PTCH2: variants seen among roughly 807,000 people sequenced by gnomAD.
The protein encoded by PTCH2 is protein patched homolog 2.
In PTCH2, 96 loss-of-function variants were observed where a neutral mutation model predicts 117.9. The observed-to-expected ratio is 0.81, with a 90% CI of 0.69 to 0.96. The LOEUF (loss-of-function observed/expected upper bound fraction) is 0.96. PTCH2 is among the 50% of genes least tolerant of loss of function. The pLI, the probability that PTCH2 is intolerant of heterozygous loss-of-function variation, is 0.00. For synonymous variants in PTCH2, 615 were observed against 660.9 expected (o/e 0.93, Z 1.06); for missense variants, 1,379 against 1,562.5 (o/e 0.88, Z 1.98).
rs1653433741 is a variant in PTCH2, at chr1:44,831,246, AG to A, written c.618-204del. Among the ~76,000 whole-genome samples, 1 of 152,174 alleles carries A rather than the reference AG, an allele frequency of 6.6e-6. No homozygotes were observed. On this transcript the variant is annotated intron_variant, in intron 5 of 21. Transcript: ENST00000372192. This position sits in a 1 kb window ranked among gnomAD's most constrained non-coding sequence, Gnocchi z 4.3. ...CTACAGTGAGCTGTAGAAGAGTACA[AG>A]GGGCTGAGACGAATATCAGGGCAGG... is the stretch of plus-strand genomic sequence containing the variant.
At chr1:44,821,258 C>A (rs967841596), downstream of PTCH2, among the ~76,000 whole-genome samples, 2 of 152,214 alleles carry the variant, frequency 1.3e-5, no homozygotes, top group Non-Finnish European at 1.5e-5. Context: ...AAGGCCTCTG[C>A]TTAGTGGAGC....
chr1:44,823,533 G>T lies in PTCH2; in HGVS notation c.3115-148C>A, dbSNP rs910532869. Reference sequence around the variant, plus strand: ...TAAGTTCATGGGAACTGTACAGGGAGCATGCGTGAGTCCTTTTAGGTAACA... The same window carrying T: ...TAAGTTCATGGGAACTGTACAGGGATCATGCGTGAGTCCTTTTAGGTAACA... On this transcript the variant is annotated intron_variant, in intron 19 of 21. Transcript: ENST00000372192. This position sits in a 1 kb window ranked among gnomAD's most constrained non-coding sequence, Gnocchi z 5.1. 9.5e-7 allele frequency: 1 copy of T among 1,053,664 alleles called. No individual in the cohort carries two copies. The highest frequency in any genetic ancestry group is 1.4e-6 in the Non-Finnish European group (1 of 696,492). 65.3% of individuals were successfully genotyped at this position (1,053,664 alleles called of 1,614,324 possible).
chr1:44,821,714 G>A (rs949304878), downstream of PTCH2: 40 of 1,191,298 alleles, frequency 3.4e-5, no homozygotes, highest in Non-Finnish European at 4.1e-5. Context: ...GAACCCAGTA[G>A]GATTTCACAC....
intron 2 of PTCH2, among the ~76,000 whole-genome samples, chr1:44,835,686 T>C (rs1264491035): frequency 6.6e-6 from 1 of 152,204 alleles, no homozygotes; most frequent in Admixed American, 6.5e-5. Flanking sequence ...ATGGGAGTCA[T>C]GGTAGATTTT....
chr1:44,836,091 A>T (rs1653674181), intron 2 of PTCH2, among the ~76,000 whole-genome samples: 1 of 152,194 alleles, frequency 6.6e-6, no homozygotes, highest in Admixed American at 6.5e-5. Context: ...CCTTTCTAAC[A>T]GACCCTGATT....
intron 9 of PTCH2, 23 bp from the exon 10 acceptor site, chr1:44,829,335 CAG>C (rs757124206): frequency 3.0e-5 from 49 of 1,613,684 alleles, no homozygotes; most frequent in African/African-American, 5.3e-5. Flanking sequence ...AGGGCAGTCT[CAG>C]GGGCTCCCAG....
intron 2 of PTCH2, among the ~76,000 whole-genome samples, chr1:44,833,022 C>T (rs763329333): frequency 1.3e-5 from 2 of 152,158 alleles, no homozygotes; most frequent in African/African-American, 2.4e-5. Flanking sequence ...AGCTCACGAA[C>T]CCTGGCAGGG....
chr1:44,826,011 AT>A lies in PTCH2; in HGVS notation c.3114+238del, dbSNP rs1573642785. Among the ~76,000 whole-genome samples, 1 of 151,278 alleles carries A rather than the reference AT, an allele frequency of 6.6e-6. No homozygotes were observed. The highest frequency in any genetic ancestry group is 1.5e-5 in the Non-Finnish European group (1 of 67,848). On this transcript the variant is annotated intron_variant, in intron 19 of 21. Transcript: ENST00000372192. The surrounding 1 kb of genome is among the most constrained non-coding windows in gnomAD (Gnocchi z 5.1). ...TGGCATGTGCCACCACGCCTGGCTA[AT>A]TTTTTGTATTTTTAGTAAAGACAGG...
chr1:44,825,765 G>A (rs1396897073), intron 19 of PTCH2, among the ~76,000 whole-genome samples: 1 of 151,626 alleles, frequency 6.6e-6, no homozygotes, highest in Non-Finnish European at 1.5e-5. Flanking sequence ...GACTTCAGGG[G>A]ATCCGCCTGC....
At position 44,839,376 on chromosome 1, in the gene PTCH2, A is replaced by AC. The variant is rs1305003144; in HGVS notation, c.265+2470_265+2471insG. The stretch of plus-strand genomic sequence containing the variant: ...GACTTACTCTCAAAAAAAAAAAAAA[A>AC]AAAAAAACAGAAAGAAAAAAAAAGA... On this transcript the variant is annotated intron_variant, in intron 2 of 21. Transcript: ENST00000372192. 9.4e-5 allele frequency among the ~76,000 whole-genome samples: 13 copies of AC among 138,362 alleles called. No homozygotes were observed. In the East Asian group the frequency reaches 2.7e-3, roughly 29 times the overall value. 90.8% of individuals were successfully genotyped at this position (138,362 alleles called of 152,430 possible).
rs7532882 is a variant in PTCH2 at position 44,827,385 on chromosome 1, G to A, written c.2371+17C>T. Reference sequence around the variant, plus strand: ...CTCCCTGCAGCACCCCTCCCTGCCCGTCTCCTCGCCTCTCACCCTGTAGCC... The same window carrying A: ...CTCCCTGCAGCACCCCTCCCTGCCCATCTCCTCGCCTCTCACCCTGTAGCC... On this transcript the variant is annotated intron_variant, in intron 15 of 21. Transcript: ENST00000372192. 0.013 allele frequency: 21,318 copies of A among 1,613,740 alleles called. 2,506 individuals are homozygous for A. In the African/African-American group the frequency reaches 0.25, roughly 19 times the overall value.
chr1:44,832,241 C>T lies in PTCH2; in HGVS notation c.366G>A (p.Glu122=). ...SQMLIQTARQ[E]GENILTPEAL... is the part of the protein sequence containing the mutation. ...CTTCGGGTGTGAGGATGTTCTCTCC[C>T]TCCTGGCGTGCGGTCTGTATCAGCA... Residue 122 remains glutamate, a synonymous_variant, in exon 3 of 22, where the codon GAG becomes GAA. Transcript: ENST00000372192. 1 of 1,614,206 alleles carries T rather than the reference C, an allele frequency of 6.2e-7. No individual in the cohort carries two copies. Among genetic ancestry groups the T allele is most frequent in the Non-Finnish European group, 8.5e-7 (1 of 1,180,036 alleles).
chr1:44,830,771 C>T (rs529033240), intron 6 of PTCH2, 77 bp downstream of exon 6: 23 of 1,425,550 alleles, frequency 1.6e-5, no homozygotes, highest in Non-Finnish European at 2.2e-5. Flanking sequence ...GCAGTCAGCT[C>T]CCCCAGAACA....
chr1:44,827,881 A>T lies in PTCH2; in HGVS notation c.2020T>A (p.Tyr674Asn). Residue 674 changes from tyrosine (Y) to asparagine (N), a missense_variant, in exon 14 of 22, where the codon TAT becomes AAT. Transcript: ENST00000372192. ...TGGAGCAGCAACGGGGCAAACTGATAGCGGGCGAAATGGGCAAGATTCCAG... is the reference window on the plus strand; with the variant it reads ...TGGAGCAGCAACGGGGCAAACTGATTGCGGGCGAAATGGGCAAGATTCCAG... ...ARWNLAHFAR[Y>N]QFAPLLLQSH... 6.2e-7 allele frequency: 1 copy of T among 1,614,186 alleles called. No homozygotes were observed. The highest frequency in any genetic ancestry group is 8.5e-7 in the Non-Finnish European group (1 of 1,180,036).
chr1:44,840,158 A>G lies in PTCH2; in HGVS notation c.265+1689T>C, dbSNP rs1653880655. 2.0e-5 allele frequency among the ~76,000 whole-genome samples: 3 copies of G among 146,830 alleles called. No homozygotes were observed. In the South Asian group the frequency reaches 6.5e-4, roughly 32 times the overall value. On this transcript the variant is annotated intron_variant, in intron 2 of 21. Coordinates refer to ENST00000372192, the MANE Select transcript of PTCH2 (RefSeq NM_003738.5). ...CCCTCTGCTGCCCAGGCTGGAGTGC[A>G]GTGCGGCGATCTTGGCTCACTGCAA...
chr1:44,839,824 C>T (rs527720966), intron 2 of PTCH2, among the ~76,000 whole-genome samples: 1 of 152,140 alleles, frequency 6.6e-6, no homozygotes, highest in African/African-American at 2.4e-5. Context: ...ATGTGAGAGT[C>T]TGCAGGGCTG....
rs748247267 is a variant in PTCH2 at position 44,841,867 on chromosome 1, A to C, written c.245T>G (p.Leu82Trp). ...CTTACCTTCTACCCAGAGCTGTTCC[A>C]AGTTTGTCTCAATAATGGCCATGCG... The part of the protein sequence containing the change: ...GLRMAIIETN[L>W]EQLWVEVGSR... Residue 82 changes from leucine to tryptophan, a missense_variant, in exon 2 of 22, where the codon TTG becomes TGG. By Grantham distance (61) the Leu-to-Trp change is moderately conservative. Transcript: ENST00000372192. 4.3e-6 allele frequency: 7 copies of C among 1,614,202 alleles called. No homozygotes were observed. Among genetic ancestry groups the C allele is most frequent in the Non-Finnish European group, 5.9e-6 (7 of 1,180,032 alleles).
Position 44,831,094 on chromosome 1 carries a change from C to T in PTCH2, c.618-51G>A. The T allele has an allele frequency of 1.3e-6, 2 of 1,555,622 alleles. No individual in the cohort carries two copies. The highest frequency in any genetic ancestry group is 1.8e-6 in the Non-Finnish European group (2 of 1,136,160). On this transcript the variant is annotated intron_variant, in intron 5 of 21. Coordinates refer to ENST00000372192, the MANE Select transcript of PTCH2 (RefSeq NM_003738.5). This position sits in a 1 kb window ranked among gnomAD's most constrained non-coding sequence, Gnocchi z 4.3. ...AGGGTCAGGGACGAAAACCCAGGCT[C>T]CAAACTGCTGCTGGGGCGCCATGCT...
chr1:44,827,970 T>TCCCCCCC lies in PTCH2; in HGVS notation c.1930_1931insGGGGGGG (p.Asp644GlyfsTer45), dbSNP rs762665624. The TCCCCCCC allele has an allele frequency of 5.0e-6, 8 of 1,614,100 alleles. No homozygotes were observed. Among genetic ancestry groups the TCCCCCCC allele is most frequent in the Non-Finnish European group, 6.8e-6 (8 of 1,180,020 alleles). ...TGTCTCCTCCTCCTGGCCTAGAAGG[T>TCCCCCCC]CCCGTGTGGACCCTCCAGGGCTGAA... On this transcript the variant is annotated frameshift_variant, in exon 14 of 22. Coordinates refer to ENST00000372192, the MANE Select transcript of PTCH2 (RefSeq NM_003738.5). LOFTEE classifies it high-confidence loss of function.
Sources: gnomAD v4.1 joint callset for allele counts (sites outside exome capture counted in the v4.1 genomes callset) on GRCh38, gnomAD v4.1.1 for gene constraint, Gnocchi (gnomAD v3.1) non-coding constraint, MANE v1.5 for transcripts, NCBI Gene and HGNC (gene_info 2026-07-23, HGNC 2026-07-21) for gene names.